The following CLDN14 variants were observed in gnomAD, a reference collection of about 807,000 sequenced individuals.
The protein encoded by CLDN14 is claudin 14, also known as claudin-14.
Under a neutral mutation model 2.1 loss-of-function variants are expected in CLDN14, and 2 were observed. The ratio of observed to expected loss-of-function variants is 0.96; its 90% CI spans 0.39 to 3.01. CLDN14 has a LOEUF of 3.01. Ranked by LOEUF, CLDN14 falls within the 30% of genes most tolerant of loss-of-function variation. The pLI is 0.09. For missense variants in CLDN14, 298 were observed against 328.0 expected (o/e 0.91, Z 0.71); for synonymous variants, 136 against 154.4 (o/e 0.88, Z 0.88).
At chr21:36,540,128 G>A (rs992899783) in intron 1 of CLDN14, among the ~76,000 whole-genome samples, 1 of 151,750 alleles carries the variant, frequency 6.6e-6, no homozygotes, top group African/African-American at 2.4e-5. Context: ...GGTGTGTGGT[G>A]TGTGTGTGTT....
At chr21:36,473,731 C>G (rs1312039669) in intron 1 of CLDN14, among the ~76,000 whole-genome samples, 1 of 152,162 alleles carries the variant, frequency 6.6e-6, no homozygotes, top group Non-Finnish European at 1.5e-5. Context: ...TAGAGAGGAG[C>G]AGGGGCTCCA....
chr21:36,543,765 T>G (rs2087508690), intron 1 of CLDN14, among the ~76,000 whole-genome samples: 1 of 152,192 alleles, frequency 6.6e-6, no homozygotes, highest in Non-Finnish European at 1.5e-5. Context: ...AATACTGCAC[T>G]GTAATTTACA....
Position 36,544,874 on chromosome 21 carries a change from A to G in CLDN14, c.-220+31537T>C, listed in dbSNP as rs933091129. On this transcript the variant is annotated intron_variant, in intron 1 of 2. Coordinates refer to the CLDN14 transcript ENST00000342108. The surrounding 1 kb of genome is among the most constrained non-coding windows in gnomAD (Gnocchi z 4.1). ...ACTAATTGCTGAAAGTAACTTAATA[A>G]CAAAACCACAATGCTCTCTGTTATT... Among the ~76,000 whole-genome samples, 43 of 152,252 alleles carry G rather than the reference A, an allele frequency of 2.8e-4. No homozygotes were observed. Among genetic ancestry groups the G allele is most frequent in the African/African-American group, 1.0e-3 (43 of 41,464 alleles).
At chr21:36,561,687 A>G (rs981329386) in intron 1 of CLDN14, among the ~76,000 whole-genome samples, 3 of 152,032 alleles carry the variant, frequency 2.0e-5, no homozygotes, top group Non-Finnish European at 2.9e-5. Flanking sequence ...TGTCTTCTCT[A>G]CTCACTTCAA....
intron 1 of CLDN14, among the ~76,000 whole-genome samples, chr21:36,515,876 T>A (rs2087225540): frequency 7.3e-6 from 1 of 136,594 alleles, no homozygotes; most frequent in South Asian, 2.6e-4. Flanking sequence ...AACCTCCGCC[T>A]CCCGGGTTCA....
upstream of CLDN14, among the ~76,000 whole-genome samples, chr21:36,485,001 T>TGTCTGGCTAATTTTTGTATTTTTA (rs1205909144): frequency 7.7e-4 from 110 of 143,718 alleles, no homozygotes; most frequent in Admixed American, 2.2e-3. Context: ...CATGAGCCAC[T>TGTCTGGCTAATTTTTGTATTTTTA]GTACTGGGCT....
intron 1 of CLDN14, among the ~76,000 whole-genome samples, chr21:36,516,762 T>C (rs1292596868): frequency 6.6e-6 from 1 of 152,206 alleles, no homozygotes; most frequent in Non-Finnish European, 1.5e-5. Context: ...ACACAGTACA[T>C]TGGTGAGCGA....
chr21:36,560,147 G>A (rs935046546), intron 1 of CLDN14, among the ~76,000 whole-genome samples: 2 of 151,884 alleles, frequency 1.3e-5, no homozygotes, highest in South Asian at 4.1e-4. Context: ...AAAAATGTGA[G>A]ATCAAAATCT....
At chr21:36,493,519 T>C (rs2086988538) in intron 2 of CLDN14, among the ~76,000 whole-genome samples, 1 of 151,982 alleles carries the variant, frequency 6.6e-6, no homozygotes, top group Admixed American at 6.6e-5. Context: ...ATCTTTGAGG[T>C]TCTTATAATC....
At chr21:36,469,797 C>G (rs1014413475) in intron 1 of CLDN14, among the ~76,000 whole-genome samples, 1 of 152,168 alleles carries the variant, frequency 6.6e-6, no homozygotes, top group Non-Finnish European at 1.5e-5. Context: ...CTCATTTCAA[C>G]TCACCAAATT....
At chr21:36,523,183 C>T (rs898176937) in intron 1 of CLDN14, among the ~76,000 whole-genome samples, 53 of 152,312 alleles carry the variant, frequency 3.5e-4, no homozygotes, top group African/African-American at 1.2e-3. Flanking sequence ...TGCCTTTGTG[C>T]AGAGCACACA....
intron 2 of CLDN14, among the ~76,000 whole-genome samples, chr21:36,497,532 A>G (rs1223544453): frequency 6.6e-6 from 1 of 151,812 alleles, no homozygotes; most frequent in Admixed American, 6.6e-5. Flanking sequence ...CATATCTCCA[A>G]TAACTCTTAT....
intron 1 of CLDN14, among the ~76,000 whole-genome samples, chr21:36,475,646 G>A (rs1457819328): frequency 6.6e-6 from 1 of 152,180 alleles, no homozygotes. Context: ...GACCTCCTGA[G>A]CTCAAGTGAT....
chr21:36,573,194 G>A (rs1331944790), intron 1 of CLDN14, among the ~76,000 whole-genome samples: 5 of 152,052 alleles, frequency 3.3e-5, no homozygotes, highest in East Asian at 1.9e-4. Context: ...CCAGCTACTC[G>A]GGAGGCTGAG....
intron 1 of CLDN14, among the ~76,000 whole-genome samples, chr21:36,539,944 G>C (rs1568875001): frequency 3.3e-5 from 5 of 151,750 alleles, no homozygotes. Flanking sequence ...TGTGGAGTGA[G>C]TGTATGTGTA....
chr21:36,468,193 A>G (rs1449958107), intron 1 of CLDN14, among the ~76,000 whole-genome samples: 1 of 152,234 alleles, frequency 6.6e-6, no homozygotes, highest in Non-Finnish European at 1.5e-5. Flanking sequence ...GTTGATGTTC[A>G]GCCACTTCAG....
intron 1 of CLDN14, among the ~76,000 whole-genome samples, chr21:36,549,276 A>ACACACTCTCT (rs551169909): frequency 7.2e-6 from 1 of 139,538 alleles, no homozygotes; most frequent in Non-Finnish European, 1.6e-5. Flanking sequence ...TTACACACAC[A>ACACACTCTCT]CTCTCTCTCT....
chr21:36,467,582 C>G (rs910089593), intron 1 of CLDN14, among the ~76,000 whole-genome samples: 1 of 152,010 alleles, frequency 6.6e-6, no homozygotes, highest in African/African-American at 2.4e-5. Context: ...AGTGATTTTA[C>G]TGCAAGTTCT....
chr21:36,567,437 C>T (rs1019352344), intron 1 of CLDN14, among the ~76,000 whole-genome samples: 4 of 152,202 alleles, frequency 2.6e-5, no homozygotes, highest in Admixed American at 1.3e-4. Flanking sequence ...CCTTCCAAGA[C>T]GGGAACTGGC....
Sources: allele counts gnomAD v4.1 joint callset (sites outside exome capture counted in the v4.1 genomes callset), GRCh38; gene constraint gnomAD v4.1.1; non-coding constraint Gnocchi (gnomAD v3.1); transcripts MANE v1.5; gene names NCBI Gene and HGNC (gene_info 2026-07-23, HGNC 2026-07-21).